TBX20: variants seen among roughly 807,000 people sequenced by gnomAD.
TBX20 encodes the protein T-box transcription factor 20, also known as T-box transcription factor TBX20.
A neutral mutation model predicts 42.9 loss-of-function variants in TBX20; 8 were observed. The observed-to-expected ratio is 0.19, with a 90% CI of 0.11 to 0.34. The LOEUF is 0.34. Ranked by LOEUF, TBX20 falls within the 10% of genes least tolerant of loss-of-function variation. The pLI is 1.00. For synonymous variants in TBX20, 198 were observed against 222.8 expected, an observed-to-expected ratio of 0.89 and a Z score of 0.99; for missense variants, 411 against 566.0, an observed-to-expected ratio of 0.73 and a Z score of 2.78.
intron 6 of TBX20, among the ~76,000 whole-genome samples, chr7:35,212,463 C>T (rs1310030633): frequency 3.9e-5 from 6 of 152,122 alleles, no homozygotes; most frequent in Admixed American, 1.3e-4. Flanking sequence ...TAATTAGATA[C>T]TAGGCATTGT....
chr7:35,239,299 C>T (rs1158736805), intron 5 of TBX20, among the ~76,000 whole-genome samples: 4 of 152,112 alleles, frequency 2.6e-5, no homozygotes, highest in South Asian at 2.1e-4. Context: ...CCATCCTCCC[C>T]GGGACTCTGA....
At position 35,211,087 on chromosome 7, in the gene TBX20, T is replaced by C. The variant is rs1242681429; in HGVS notation, c.891-6505A>G. Among the ~76,000 whole-genome samples, 3 of 152,130 alleles carry C rather than the reference T, an allele frequency of 2.0e-5. No homozygotes were observed. In the East Asian group the frequency reaches 5.8e-4, roughly 29 times the overall value. ...ACTTAGGATTTATAGTAAATATCTT[T>C]AAGTTGTCACAATCTACCTTCAAGT... On this transcript the variant is annotated intron_variant, in intron 6 of 7. Transcript: ENST00000408931.
At chr7:35,215,950 A>C (rs931922500) in intron 6 of TBX20, among the ~76,000 whole-genome samples, 2 of 152,166 alleles carry the variant, frequency 1.3e-5, no homozygotes, top group African/African-American at 4.8e-5. Context: ...TTTGAAACTA[A>C]AGTGCAAATT....
chr7:35,250,261 G>A, intron 1 of TBX20, 58 bp from the exon 2 acceptor site: 1 of 1,521,010 alleles, frequency 6.6e-7, no homozygotes, highest in South Asian at 1.2e-5. Context: ...GAAAGATCTG[G>A]AAAGAACAGC....
rs1170280805 is a variant in TBX20 at position 35,248,854 on chromosome 7, G to C, written c.381-13C>G. The C allele has an allele frequency of 7.4e-6, 12 of 1,614,090 alleles. No individual in the cohort carries two copies. The highest frequency in any genetic ancestry group is 1.1e-5 in the South Asian group (1 of 91,074). On this transcript the variant is annotated splice_polypyrimidine_tract_variant and intron_variant, in intron 2 of 7. Transcript: ENST00000408931. Reference sequence around the variant, plus strand: ...TGGAAACATCCTCCTGACAGAGAGAGAGAGAGAGAATGGGCCCTGTTTATG... The same window carrying C: ...TGGAAACATCCTCCTGACAGAGAGACAGAGAGAGAATGGGCCCTGTTTATG...
intron 5 of TBX20, among the ~76,000 whole-genome samples, chr7:35,239,752 T>A (rs116621702): frequency 0.025 from 3,874 of 152,184 alleles, 148 homozygotes; most frequent in African/African-American, 0.087. Context: ...TTTTTTTTTT[T>A]AATTTTATTA....
intron 5 of TBX20, among the ~76,000 whole-genome samples, chr7:35,238,663 G>A (rs940642705): frequency 2.0e-5 from 3 of 152,196 alleles, no homozygotes; most frequent in Admixed American, 1.3e-4. Context: ...AAACAGGATT[G>A]CTGGTTTCAG....
At chr7:35,226,126 G>C (rs573171047) in intron 6 of TBX20, among the ~76,000 whole-genome samples, 1 of 151,994 alleles carries the variant, frequency 6.6e-6, no homozygotes, top group Admixed American at 6.5e-5. Flanking sequence ...TACTACACAA[G>C]TCAAAGGTTT....
intron 5 of TBX20, among the ~76,000 whole-genome samples, chr7:35,240,490 T>TG (rs1219618170): frequency 1.3e-5 from 2 of 152,174 alleles, no homozygotes; most frequent in Non-Finnish European, 2.9e-5. Context: ...TTTGGGCAGT[T>TG]GGATAGAATA....
intron 1 of TBX20, among the ~76,000 whole-genome samples, chr7:35,253,185 TTTA>T (rs1392492785): frequency 4.6e-5 from 7 of 152,154 alleles, no homozygotes; most frequent in Admixed American, 4.6e-4. Context: ...TAAAAGGGGT[TTTA>T]TTATTATTTT....
chr7:35,253,741 A>G lies in TBX20; in HGVS notation c.-121T>C. 1 of 1,305,988 alleles carries G rather than the reference A, an allele frequency of 7.7e-7. No homozygotes were observed. The highest frequency in any genetic ancestry group is 1.0e-6 in the Non-Finnish European group (1 of 954,790). The allele number at this position is 1,305,988 out of a possible 1,614,324, so 80.9% of individuals were successfully genotyped here. A position where few individuals can be genotyped will look rare whatever the true frequency, so the allele number is the denominator to read the frequency against. ...TTCCGAGAGCAGTCACAGCGGGGCC[A>G]GGGACTCCAGAAGTGTCAGCTCCAA... On this transcript the variant is annotated 5_prime_UTR_variant, in exon 1 of 8. Coordinates refer to ENST00000408931, the MANE Select transcript of TBX20 (RefSeq NM_001077653.2).
intron 5 of TBX20, among the ~76,000 whole-genome samples, chr7:35,233,440 A>G (rs62464699): frequency 1.1e-3 from 164 of 152,316 alleles, no homozygotes; most frequent in African/African-American, 3.8e-3. Flanking sequence ...AATAAACTAC[A>G]TAAATCAGAA....
intron 6 of TBX20, among the ~76,000 whole-genome samples, chr7:35,214,879 T>G (rs946753662): frequency 8.5e-5 from 13 of 152,318 alleles, no homozygotes; most frequent in Admixed American, 4.6e-4. Context: ...TTTTTGTACA[T>G]TTATAAAGGA....
intron 6 of TBX20, among the ~76,000 whole-genome samples, chr7:35,207,494 G>T (rs1789419860): frequency 6.6e-6 from 1 of 152,082 alleles, no homozygotes; most frequent in African/African-American, 2.4e-5. Flanking sequence ...TTTTGATGAA[G>T]TGCAATTTAT....
intron 7 of TBX20, among the ~76,000 whole-genome samples, chr7:35,203,210 C>T (rs1223756615): frequency 3.3e-5 from 5 of 152,064 alleles, no homozygotes; most frequent in South Asian, 4.2e-4. Flanking sequence ...GTTTTCCCAC[C>T]ACAGCATCCA....
intron 6 of TBX20, 98 bp from the exon 7 acceptor site, chr7:35,204,680 T>G: frequency 1.1e-6 from 1 of 895,192 alleles, no homozygotes; most frequent in Middle Eastern, 2.3e-4. Context: ...AAAACCATTT[T>G]CTCAGCCAAA....
At chr7:35,234,264 A>G (rs1789920610) in intron 5 of TBX20, among the ~76,000 whole-genome samples, 1 of 152,202 alleles carries the variant, frequency 6.6e-6, no homozygotes. Flanking sequence ...GACTTTTGAC[A>G]TATTTTATCT....
intron 6 of TBX20, among the ~76,000 whole-genome samples, chr7:35,214,973 T>G (rs1158082401): frequency 1.3e-5 from 2 of 152,194 alleles, no homozygotes; most frequent in Non-Finnish European, 2.9e-5. Context: ...ACTGCTAAAT[T>G]CATGCACTTA....
chr7:35,226,739 T>C (rs941179998), intron 6 of TBX20, among the ~76,000 whole-genome samples: 1 of 152,154 alleles, frequency 6.6e-6, no homozygotes, highest in African/African-American at 2.4e-5. Context: ...CACAACATGT[T>C]ACTCACGTTT....
Sources: gnomAD v4.1 joint callset for allele counts (sites outside exome capture counted in the v4.1 genomes callset) on GRCh38, gnomAD v4.1.1 for gene constraint, MANE v1.5 for transcripts, NCBI Gene and HGNC (gene_info 2026-07-23, HGNC 2026-07-21) for gene names.